Variants in RNF38 observed in about 807,000 individuals in gnomAD.
The protein encoded by RNF38 is ring finger protein 38.
RNF38 carries 15 observed loss-of-function variants against 67.2 expected under a neutral mutation model. The ratio of observed to expected loss-of-function variants is 0.22; its 90% CI spans 0.15 to 0.34. RNF38 has a LOEUF of 0.34. RNF38 is among the 10% of genes least tolerant of loss of function. The pLI, the probability that RNF38 is intolerant of heterozygous loss-of-function variation, is 1.00. For synonymous variants in RNF38, 220 were observed against 218.8 expected, an observed-to-expected ratio of 1.01 and a Z score of -0.05; for missense variants, 524 against 639.9, an observed-to-expected ratio of 0.82 and a Z score of 1.95.
At chr9:36,364,771 T>TAGC (rs1199498811) in intron 4 of RNF38, among the ~76,000 whole-genome samples, 1 of 152,202 alleles carries the variant, frequency 6.6e-6, no homozygotes, top group East Asian at 1.9e-4. Context: ...GTAAACTAGA[T>TAGC]TGCTGAGTCC....
chr9:36,470,583 T>C (rs2134411623), intron 1 of RNF38, among the ~76,000 whole-genome samples: 1 of 152,358 alleles, frequency 6.6e-6, no homozygotes, highest in Non-Finnish European at 1.5e-5. Context: ...TGTTATAAGC[T>C]ATTTTTCTTT....
intron 1 of RNF38, among the ~76,000 whole-genome samples, chr9:36,478,692 C>T (rs554284276): frequency 3.3e-5 from 5 of 151,464 alleles, no homozygotes; most frequent in Admixed American, 1.3e-4. Flanking sequence ...TGGCTCATGC[C>T]TGTAATTCCA....
In RNF38 at chr9:36,357,902, G is replaced by A. The variant is rs1420200004; in HGVS notation, c.611C>T (p.Thr204Ile). 1 of 1,613,864 alleles carries A rather than the reference G, an allele frequency of 6.2e-7. No homozygotes were observed. The highest frequency in any genetic ancestry group is 8.5e-7 in the Non-Finnish European group (1 of 1,179,926). Residue 204 changes from threonine to isoleucine, a missense_variant, in exon 5 of 12, where the codon ACA becomes ATA. Coordinates refer to ENST00000259605, the MANE Select transcript of RNF38 (RefSeq NM_022781.5). The part of the protein sequence containing the change: ...GTVPVSYTVT[T>I]VAPHGIPLCT... ...GAGTGGAATCCCATGTGGTGCCACTGTTGTTACTGTGTAAGAAACAGGGAC... is the reference window on the plus strand; with the variant it reads ...GAGTGGAATCCCATGTGGTGCCACTATTGTTACTGTGTAAGAAACAGGGAC...
At chr9:36,462,162 C>T (rs931197206) in intron 1 of RNF38, among the ~76,000 whole-genome samples, 2 of 152,150 alleles carry the variant, frequency 1.3e-5, no homozygotes, top group Non-Finnish European at 2.9e-5. Flanking sequence ...ACTGGTTTGG[C>T]AACCCACCAT....
At chr9:36,464,857 T>C (rs1839823300) in intron 1 of RNF38, among the ~76,000 whole-genome samples, 1 of 152,146 alleles carries the variant, frequency 6.6e-6, no homozygotes, top group Non-Finnish European at 1.5e-5. Context: ...ATTCCAGATT[T>C]GCAAAGAAAA....
chr9:36,424,080 A>C (rs1838708080), intron 2 of RNF38, among the ~76,000 whole-genome samples: 2 of 152,316 alleles, frequency 1.3e-5, no homozygotes, highest in Middle Eastern at 3.4e-3. Context: ...AAATATATAC[A>C]TATCAGGCCC....
intron 11 of RNF38, among the ~76,000 whole-genome samples, chr9:36,341,203 A>T (rs1270446995): frequency 6.6e-6 from 1 of 151,990 alleles, no homozygotes; most frequent in East Asian, 1.9e-4. Flanking sequence ...TCACATTCCA[A>T]CTATCAGCCA....
At chr9:36,400,854 C>A (rs971842093), upstream of RNF38, 66 of 985,140 alleles carry the variant, frequency 6.7e-5, no homozygotes, top group Admixed American at 7.4e-4. Flanking sequence ...GGGCCTCGGC[C>A]CCGTCCCGCA....
At position 36,354,220 on chromosome 9, in the gene RNF38, C is replaced by G. The variant is rs190391104; in HGVS notation, c.910-889G>C. ...ATTTATTTATTTTTTGAGACAGAGT[C>G]TTGCTCTTCTTGCCCAGGCTGGAGT... On this transcript the variant is annotated intron_variant, in intron 6 of 11. Coordinates refer to ENST00000259605, the MANE Select transcript of RNF38 (RefSeq NM_022781.5). Among the ~76,000 whole-genome samples, 5 of 152,248 alleles carry G rather than the reference C, an allele frequency of 3.3e-5. No individual in the cohort carries two copies. In the East Asian group the frequency reaches 9.7e-4, roughly 29 times the overall value.
intron 2 of RNF38, among the ~76,000 whole-genome samples, chr9:36,418,785 CAAA>C (rs984317751): frequency 6.6e-6 from 1 of 151,348 alleles, no homozygotes; most frequent in Admixed American, 6.6e-5. Flanking sequence ...GACTCTGTCT[CAAA>C]AAACAACAAC....
chr9:36,375,122 G>A (rs1835690802), intron 3 of RNF38, among the ~76,000 whole-genome samples: 1 of 152,104 alleles, frequency 6.6e-6, no homozygotes, highest in South Asian at 2.1e-4. Flanking sequence ...AAAAGACAAG[G>A]GCCAAATCCC....
chr9:36,378,104 G>C (rs1339502874), intron 2 of RNF38, among the ~76,000 whole-genome samples: 1 of 149,446 alleles, frequency 6.7e-6, no homozygotes, highest in Admixed American at 6.7e-5. Flanking sequence ...ACTTGCACAT[G>C]AACTACATGA....
Position 36,339,608 on chromosome 9 carries a change from G to C in RNF38, c.*144C>G. 1.6e-6 allele frequency: 1 copy of C among 624,274 alleles called. No individual in the cohort carries two copies. The highest frequency in any genetic ancestry group is 2.9e-6 in the Non-Finnish European group (1 of 345,612). 38.7% of individuals were successfully genotyped at this position (624,274 alleles called of 1,614,324 possible). A position where few individuals can be genotyped will look rare whatever the true frequency, so the allele number is the denominator to read the frequency against. ...AGACTAATTGTAAGCTTTTATAGTT[G>C]ATTAAGTCACACAGTGCAAAGAAAG... is the stretch of plus-strand genomic sequence containing the variant. On this transcript the variant is annotated 3_prime_UTR_variant, in exon 12 of 12. Transcript: ENST00000259605.
Position 36,400,160 on chromosome 9 carries a change from A to G in RNF38, c.-52T>C, listed in dbSNP as rs1314946801. On this transcript the variant is annotated 5_prime_UTR_variant, in exon 1 of 12. Transcript: ENST00000259605. ...TTTTTGGACCTCAATAACCTGAAAC[A>G]CTCCCGTTTCAAAAACCAACCTCTC... 5.6e-6 allele frequency: 9 copies of G among 1,602,340 alleles called. No individual in the cohort carries two copies. The highest frequency in any genetic ancestry group is 6.8e-6 in the Non-Finnish European group (8 of 1,174,930).
intron 1 of RNF38, among the ~76,000 whole-genome samples, chr9:36,450,849 GGTTGC>G (rs1001569855): frequency 6.6e-6 from 1 of 152,150 alleles, no homozygotes; most frequent in Non-Finnish European, 1.5e-5. Context: ...AGGAGGTGGA[GGTTGC>G]GGTAAGCCGA....
intron 9 of RNF38, 150 bp downstream of exon 9, chr9:36,350,965 G>GTA (rs1365950152): frequency 3.2e-6 from 2 of 631,068 alleles, no homozygotes; most frequent in East Asian, 2.9e-5. Context: ...TAGTATTAGT[G>GTA]TATCTTATGT....
At chr9:36,390,109 T>C (rs780193081) in intron 2 of RNF38, among the ~76,000 whole-genome samples, 8 of 152,198 alleles carry the variant, frequency 5.3e-5, no homozygotes, top group Admixed American at 1.3e-4. Context: ...AGCAAGTAAC[T>C]AGTGAACATC....
At chr9:36,344,046 C>T (rs902887901) in intron 10 of RNF38, among the ~76,000 whole-genome samples, 3 of 152,156 alleles carry the variant, frequency 2.0e-5, no homozygotes, top group Admixed American at 2.0e-4. Flanking sequence ...TGGAGTCTTG[C>T]TCTGTCACCC....
chr9:36,481,738 ACT>A (rs1157350456), intron 1 of RNF38, among the ~76,000 whole-genome samples: 3 of 151,008 alleles, frequency 2.0e-5, no homozygotes, highest in Non-Finnish European at 4.4e-5. Flanking sequence ...GTCCTGAAAA[ACT>A]CTGCCATTAT....
Sources: allele counts gnomAD v4.1 joint callset (sites outside exome capture counted in the v4.1 genomes callset), GRCh38; gene constraint gnomAD v4.1.1; transcripts MANE v1.5; gene names NCBI Gene and HGNC (gene_info 2026-07-23, HGNC 2026-07-21).